The following CFTR variants were observed in gnomAD, a reference collection of about 807,000 sequenced individuals.
The protein encoded by CFTR is cystic fibrosis transmembrane conductance regulator.
A neutral mutation model predicts 171.6 loss-of-function variants in CFTR; 181 were observed. The ratio of observed to expected loss-of-function variants is 1.05; its 90% CI spans 0.93 to 1.19. CFTR has a LOEUF of 1.19. CFTR is among the 50% of genes most tolerant of loss of function. The pLI is 0.00. For missense variants in CFTR, 1,968 were observed against 1,734.7 expected (o/e 1.13, Z -2.39); for synonymous variants, 583 against 608.0 (o/e 0.96, Z 0.60).
intron 1 of CFTR, among the ~76,000 whole-genome samples, chr7:117,481,747 A>G (rs1195311552): frequency 6.6e-6 from 1 of 152,256 alleles, no homozygotes; most frequent in Non-Finnish European, 1.5e-5. Flanking sequence ...AATGATTACA[A>G]ACTTCCTTCT....
chr7:117,606,339 G>T (rs555005235), intron 17 of CFTR, among the ~76,000 whole-genome samples: 1 of 152,078 alleles, frequency 6.6e-6, no homozygotes, highest in Admixed American at 6.5e-5. Flanking sequence ...TAAATGCAAG[G>T]TTGCAAAAGT....
intron 1 of CFTR, among the ~76,000 whole-genome samples, chr7:117,494,371 T>C (rs1418534020): frequency 6.6e-6 from 1 of 152,234 alleles, no homozygotes; most frequent in East Asian, 1.9e-4. Flanking sequence ...CATTTGGTTG[T>C]TGAAAGTCAT....
intron 11 of CFTR, among the ~76,000 whole-genome samples, chr7:117,567,997 A>G (rs1791630619): frequency 6.6e-6 from 1 of 152,222 alleles, no homozygotes; most frequent in Admixed American, 6.5e-5. Context: ...AGTGAACAAC[A>G]GGGAGAACAT....
At chr7:117,537,885 A>G (rs7811667) in intron 7 of CFTR, among the ~76,000 whole-genome samples, 2,239 of 152,222 alleles carry the variant, frequency 0.015, 56 homozygotes, top group African/African-American at 0.051. Context: ...TGCTCTCTGC[A>G]TTACTCCTCT....
chr7:117,565,862 A>G (rs1335767336), intron 11 of CFTR, among the ~76,000 whole-genome samples: 1 of 152,154 alleles, frequency 6.6e-6, no homozygotes, highest in African/African-American at 2.4e-5. Context: ...AGTATGAAAA[A>G]GCTTGGGAGG....
At chr7:117,520,475 G>A (rs909743692) in intron 3 of CFTR, among the ~76,000 whole-genome samples, 4 of 151,634 alleles carry the variant, frequency 2.6e-5, no homozygotes, top group African/African-American at 7.2e-5. Flanking sequence ...TGTGATGCAT[G>A]TATGAGGTAG....
At position 117,541,650 on chromosome 7, in the gene CFTR, A is replaced by AT. The variant is rs4148704; in HGVS notation, c.1117-358dup. 8.5e-4 allele frequency among the ~76,000 whole-genome samples: 129 copies of AT among 151,984 alleles called. 1 individual carries two copies. The highest frequency in any genetic ancestry group is 3.7e-3 in the Admixed American group (57 of 15,250). Reference sequence around the variant, plus strand: ...GCGTGCTATTAAGATGAAGACATTCATTTTTTTTCTCCGTCCAATGTTGGA... The same window carrying AT: ...GCGTGCTATTAAGATGAAGACATTCATTTTTTTTTCTCCGTCCAATGTTGGA... On this transcript the variant is annotated intron_variant, in intron 8 of 26. Transcript: ENST00000003084.
chr7:117,546,912 G>A (rs1171314267), intron 9 of CFTR, among the ~76,000 whole-genome samples: 1 of 152,072 alleles, frequency 6.6e-6, no homozygotes, highest in South Asian at 2.1e-4. Context: ...CATTTATTTG[G>A]TCAAGGGTGA....
chr7:117,542,965 T>C (rs1171694073), intron 9 of CFTR, among the ~76,000 whole-genome samples: 5 of 152,218 alleles, frequency 3.3e-5, no homozygotes, highest in Non-Finnish European at 7.3e-5. Context: ...GAGAGAGATA[T>C]ACCAGTGTAT....
intron 1 of CFTR, among the ~76,000 whole-genome samples, chr7:117,495,634 C>T (rs1459992208): frequency 2.2e-4 from 34 of 152,138 alleles, no homozygotes; most frequent in Admixed American, 2.2e-3. Flanking sequence ...ATTTACACAA[C>T]TCATGGTGCA....
Position 117,633,718 on chromosome 7 carries a change from G to A in CFTR, c.3717+5948G>A, listed in dbSNP as rs1792785602. ...TTTTTAAAAAGAATCAGGAATGGGT[G>A]TTAAATTTTGTGAAATGCTTTTCTG... is the stretch of plus-strand genomic sequence containing the variant. On this transcript the variant is annotated intron_variant, in intron 22 of 26. Transcript: ENST00000003084. Among the ~76,000 whole-genome samples the A allele has an allele frequency of 3.3e-5, 5 of 151,914 alleles. No individual in the cohort carries two copies. In the South Asian group the frequency reaches 1.0e-3, roughly 32 times the overall value.
At chr7:117,480,547 G>A (rs901328504) in intron 1 of CFTR, among the ~76,000 whole-genome samples, 60 of 152,146 alleles carry the variant, frequency 3.9e-4, no homozygotes, top group Admixed American at 1.2e-3. Flanking sequence ...TGCCATGCCT[G>A]CATATAGTAA....
In CFTR at chr7:117,546,283, C is replaced by T. The variant is rs549776512; in HGVS notation, c.1210-2358C>T. Reference sequence around the variant, plus strand: ...CTGGGATTACAGGTGTGAGCCACCACGCCTGGCCACCTACCTAATTTTTAA... The same window carrying T: ...CTGGGATTACAGGTGTGAGCCACCATGCCTGGCCACCTACCTAATTTTTAA... On this transcript the variant is annotated intron_variant, in intron 9 of 26. Coordinates refer to ENST00000003084, the MANE Select transcript of CFTR (RefSeq NM_000492.4). 6.6e-5 allele frequency among the ~76,000 whole-genome samples: 10 copies of T among 152,114 alleles called. No individual in the cohort carries two copies. The East Asian group carries it at 9.7e-4, about 15-fold the overall frequency.
chr7:117,668,223 T>C lies in CFTR; in HGVS notation c.*1115T>C, dbSNP rs1389860442. 1 of 152,238 alleles carries C rather than the reference T, an allele frequency of 6.6e-6. No homozygotes were observed. The highest frequency in any genetic ancestry group is 1.5e-5 in the Non-Finnish European group (1 of 68,042). 9.4% of individuals were successfully genotyped at this position (152,238 alleles called of 1,614,324 possible). A position where few individuals can be genotyped will look rare whatever the true frequency, so the allele number is the denominator to read the frequency against. On this transcript the variant is annotated 3_prime_UTR_variant, in exon 27 of 27. Transcript: ENST00000003084. ...TATAATTTTGTGAAGCAAAATTTTTTCTCTAGGAAATATTTATTTTAATAA... is the reference window on the plus strand; with the variant it reads ...TATAATTTTGTGAAGCAAAATTTTTCCTCTAGGAAATATTTATTTTAATAA...
At chr7:117,523,682 C>G (rs1329225553) in intron 3 of CFTR, among the ~76,000 whole-genome samples, 1 of 152,122 alleles carries the variant, frequency 6.6e-6, no homozygotes, top group African/African-American at 2.4e-5. Flanking sequence ...CGGCCCCTGT[C>G]TCTGAATTTT....
At chr7:117,651,500 C>T (rs1793089675) in intron 23 of CFTR, among the ~76,000 whole-genome samples, 1 of 152,104 alleles carries the variant, frequency 6.6e-6, no homozygotes, top group African/African-American at 2.4e-5. Context: ...CTTTTATTTA[C>T]ATAGAAGTTT....
In CFTR at chr7:117,666,934, G is replaced by A. The variant is rs2116226188; in HGVS notation, c.4269G>A (p.Gln1423=). The change falls in exon 27 of 27, where the codon CAG becomes CAA. Residue 1423 remains glutamine, a synonymous_variant. Transcript: ENST00000003084. ...TCATAGAAGAGAACAAAGTGCGGCA[G>A]TACGATTCCATCCAGAAACTGCTGA... is the stretch of plus-strand genomic sequence containing the variant. ...FLVIEENKVR[Q]YDSIQKLLNE... is the part of the protein sequence containing the mutation. The A allele has an allele frequency of 6.2e-7, 1 of 1,614,050 alleles. No homozygotes were observed. Among genetic ancestry groups the A allele is most frequent in the Non-Finnish European group, 8.5e-7 (1 of 1,179,970 alleles).
intron 3 of CFTR, among the ~76,000 whole-genome samples, chr7:117,516,710 G>A (rs1042035240): frequency 6.6e-6 from 1 of 151,818 alleles, no homozygotes; most frequent in Non-Finnish European, 1.5e-5. Context: ...TATTTATGGG[G>A]TACATGTGAT....
intron 23 of CFTR, among the ~76,000 whole-genome samples, chr7:117,644,438 G>C (rs1792967448): frequency 6.6e-6 from 1 of 151,712 alleles, no homozygotes; most frequent in African/African-American, 2.4e-5. Context: ...AAAGGAAGAA[G>C]GAATTAAAAA....
Sources: gnomAD v4.1 joint callset for allele counts (sites outside exome capture counted in the v4.1 genomes callset) on GRCh38, gnomAD v4.1.1 for gene constraint, MANE v1.5 for transcripts, NCBI Gene and HGNC (gene_info 2026-07-23, HGNC 2026-07-21) for gene names.